Variants in LRRTM4 observed in about 807,000 individuals in gnomAD.
The protein encoded by LRRTM4 is leucine rich repeat transmembrane neuronal 4.
A neutral mutation model predicts 47.6 loss-of-function variants in LRRTM4; 25 were observed. The observed-to-expected ratio is 0.53, with a 90% confidence interval of 0.38 to 0.73. The LOEUF (loss-of-function observed/expected upper bound fraction) is 0.73, where lower values mean the gene tolerates loss of function less well. Among genes scored for constraint, LRRTM4 ranks in the 30% least tolerant of loss-of-function variants. LRRTM4 has a pLI of 0.00. For missense variants in LRRTM4, 638 were observed against 713.4 expected (o/e 0.89, Z 1.20); for synonymous variants, 311 against 269.5 (o/e 1.15, Z -1.51).
intron 3 of LRRTM4, among the ~76,000 whole-genome samples, chr2:77,217,441 A>ATATATATATATATATATATTTATATT (rs1491281603): frequency 2.2e-4 from 3 of 13,582 alleles, no homozygotes; most frequent in African/African-American, 1.1e-3. Context: ...TCCAAATGAA[A>ATATATATATATATATATATTTATATT]TATATATATA....
intron 3 of LRRTM4, among the ~76,000 whole-genome samples, chr2:77,390,496 T>C (rs1673460059): frequency 6.6e-6 from 1 of 152,038 alleles, no homozygotes; most frequent in Non-Finnish European, 1.5e-5. Flanking sequence ...AATTATAAAA[T>C]AATTGATATC....
chr2:77,098,617 A>G (rs1458666667), intron 3 of LRRTM4, among the ~76,000 whole-genome samples: 1 of 152,028 alleles, frequency 6.6e-6, no homozygotes, highest in Non-Finnish European at 1.5e-5. Context: ...GACATAAAGA[A>G]TACAAACCAC....
At chr2:77,517,866 T>C (rs1467404615) in intron 3 of LRRTM4, 1 of 986,752 alleles carries the variant, frequency 1.0e-6, no homozygotes, top group East Asian at 1.1e-4. Context: ...CTTGGGAAAA[T>C]TGCTCTTTGG....
chr2:76,888,180 A>G (rs1454647919), intron 3 of LRRTM4, among the ~76,000 whole-genome samples: 1 of 151,196 alleles, frequency 6.6e-6, no homozygotes. Flanking sequence ...ATTTTAAAGA[A>G]GAAATACTTT....
intron 3 of LRRTM4, among the ~76,000 whole-genome samples, chr2:77,028,575 C>G (rs967080833): frequency 1.3e-5 from 2 of 151,622 alleles, no homozygotes; most frequent in African/African-American, 2.4e-5. Context: ...ATAATTTCAA[C>G]AAGAATAAGG....
intron 3 of LRRTM4, among the ~76,000 whole-genome samples, chr2:76,952,115 T>C (rs1675518419): frequency 6.6e-6 from 1 of 152,002 alleles, no homozygotes; most frequent in African/African-American, 2.4e-5. Context: ...TTGTAGTAGA[T>C]ATTAGCTATA....
At chr2:77,108,328 CAAG>C (rs898751257) in intron 3 of LRRTM4, among the ~76,000 whole-genome samples, 4 of 151,802 alleles carry the variant, frequency 2.6e-5, no homozygotes, top group South Asian at 2.1e-4. Flanking sequence ...AGAACGAGAA[CAAG>C]AAGAAGTCAT....
intron 3 of LRRTM4, among the ~76,000 whole-genome samples, chr2:77,274,115 G>A (rs554766589): frequency 9.2e-5 from 14 of 151,908 alleles, no homozygotes; most frequent in Non-Finnish European, 5.9e-5. Flanking sequence ...GTTATGTATT[G>A]CTTTCTCTGT....
chr2:77,259,714 C>T (rs79838745), intron 3 of LRRTM4, among the ~76,000 whole-genome samples: 1 of 151,850 alleles, frequency 6.6e-6, no homozygotes, highest in Admixed American at 6.6e-5. Context: ...AGGTGAATAT[C>T]CAGGAATGGA....
At chr2:77,175,683 C>T (rs567254049) in intron 3 of LRRTM4, among the ~76,000 whole-genome samples, 11 of 152,268 alleles carry the variant, frequency 7.2e-5, no homozygotes. Flanking sequence ...AGTTCAGGGC[C>T]TTTGCAGCCT....
chr2:77,405,040 C>T (rs535203231), intron 3 of LRRTM4, among the ~76,000 whole-genome samples: 2 of 151,988 alleles, frequency 1.3e-5, no homozygotes, highest in Admixed American at 6.6e-5. Flanking sequence ...AATTTATAAA[C>T]TTATTAAACA....
intron 3 of LRRTM4, among the ~76,000 whole-genome samples, chr2:77,456,432 C>T (rs1027085723): frequency 4.6e-5 from 7 of 152,148 alleles, no homozygotes; most frequent in Non-Finnish European, 7.4e-5. Context: ...ACTGTCCAGG[C>T]TTACAACTAA....
rs1049217111 is a variant in LRRTM4, at chr2:77,338,759, A to G, written c.1551+179559T>C. Among the ~76,000 whole-genome samples, 5 of 152,164 alleles carry G rather than the reference A, an allele frequency of 3.3e-5. No individual in the cohort carries two copies. The South Asian group carries it at 1.0e-3, about 32-fold the overall frequency. ...CAATCCCATTGCTAAGTATATACCC[A>G]AATGAAAATAAATCATCGTACCACA... On this transcript the variant is annotated intron_variant, in intron 3 of 3. Transcript: ENST00000409884.
chr2:77,251,518 C>T (rs1675616837), intron 3 of LRRTM4, among the ~76,000 whole-genome samples: 1 of 152,032 alleles, frequency 6.6e-6, no homozygotes, highest in Admixed American at 6.6e-5. Context: ...TTATAATAAA[C>T]AACGTGAGTC....
intron 3 of LRRTM4, among the ~76,000 whole-genome samples, chr2:76,905,158 G>T (rs1280458429): frequency 6.6e-6 from 1 of 152,154 alleles, no homozygotes; most frequent in Non-Finnish European, 1.5e-5. Context: ...AAAACTTCCA[G>T]AGGAACGATC....
At chr2:76,873,271 C>A (rs1383910191) in intron 3 of LRRTM4, among the ~76,000 whole-genome samples, 1 of 151,786 alleles carries the variant, frequency 6.6e-6, no homozygotes, top group Admixed American at 6.6e-5. Flanking sequence ...AACCCATTTG[C>A]AATATAGTGG....
At chr2:77,489,584 A>T (rs1678058591) in intron 3 of LRRTM4, among the ~76,000 whole-genome samples, 1 of 152,224 alleles carries the variant, frequency 6.6e-6, no homozygotes, top group Non-Finnish European at 1.5e-5. Flanking sequence ...AAAAATGTGG[A>T]CCACAGTGCT....
At chr2:77,002,749 T>C (rs938166596) in intron 3 of LRRTM4, among the ~76,000 whole-genome samples, 5 of 152,162 alleles carry the variant, frequency 3.3e-5, no homozygotes, top group African/African-American at 1.2e-4. Context: ...GATTGTCTTT[T>C]TCTCATCATT....
intron 3 of LRRTM4, among the ~76,000 whole-genome samples, chr2:76,902,166 C>T (rs1042787634): frequency 3.0e-4 from 45 of 152,216 alleles, no homozygotes; most frequent in African/African-American, 1.0e-3. Flanking sequence ...ATTTAAGTGA[C>T]AAAATTAACA....
Sources: allele counts gnomAD v4.1 joint callset (sites outside exome capture counted in the v4.1 genomes callset), GRCh38; gene constraint gnomAD v4.1.1; transcripts MANE v1.5; gene names NCBI Gene and HGNC (gene_info 2026-07-23, HGNC 2026-07-21).